Variants in WWOX observed in about 807,000 individuals in gnomAD.
The protein encoded by WWOX is WW domain-containing oxidoreductase.
In WWOX, 69 loss-of-function variants were observed where a neutral mutation model predicts 46.2. The observed-to-expected ratio is 1.49, with a 90% confidence interval of 1.23 to 1.82. The LOEUF is 1.82. WWOX is among the 40% of genes most tolerant of loss of function. WWOX has a pLI of 0.00. For synonymous variants in WWOX, 359 were observed against 202.6 expected, an observed-to-expected ratio of 1.77 and a Z score of -6.56; for missense variants, 919 against 542.6, an observed-to-expected ratio of 1.69 and a Z score of -6.89.
intron 8 of WWOX, among the ~76,000 whole-genome samples, chr16:78,736,499 T>C (rs1270805433): frequency 2.0e-5 from 3 of 152,184 alleles, no homozygotes. Context: ...AAGTCTCACA[T>C]GTGACAACAC....
intron 8 of WWOX, chr16:79,017,451 A>G (rs948048853): frequency 1.3e-5 from 2 of 148,968 alleles, no homozygotes; most frequent in African/African-American, 2.5e-5. Flanking sequence ...AAAAAAAAAA[A>G]AAAAAAAAAA....
chr16:78,306,761 T>C (rs1266799600), intron 5 of WWOX, among the ~76,000 whole-genome samples: 1 of 151,518 alleles, frequency 6.6e-6, no homozygotes, highest in Non-Finnish European at 1.5e-5. Context: ...GTCCCATAAT[T>C]CCCTGTAAAT....
chr16:78,920,249 A>T lies in WWOX; in HGVS notation c.1057-291359A>T, dbSNP rs185510489. 6.0e-4 allele frequency among the ~76,000 whole-genome samples: 92 copies of T among 152,316 alleles called. 1 individual carries two copies. In the East Asian group the frequency reaches 0.012, roughly 20 times the overall value. On this transcript the variant is annotated intron_variant, in intron 8 of 8. Coordinates refer to ENST00000566780, the MANE Select transcript of WWOX (RefSeq NM_016373.4). ...TTCTTAAAGTTTCTTCCAGGACGTG[A>T]CACCTGACATTTCACTGGCCAAACA...
intron 8 of WWOX, among the ~76,000 whole-genome samples, chr16:78,983,499 A>G (rs941801143): frequency 6.6e-6 from 1 of 152,206 alleles, no homozygotes; most frequent in African/African-American, 2.4e-5. Context: ...CTATGAAAAG[A>G]GAGGAAGGGG....
chr16:79,067,709 G>A (rs950372262), intron 8 of WWOX, among the ~76,000 whole-genome samples: 1 of 152,154 alleles, frequency 6.6e-6, no homozygotes, highest in Non-Finnish European at 1.5e-5. Flanking sequence ...CCGCAAGAAG[G>A]TAAACTCATC....
chr16:78,480,891 C>CA, intron 8 of WWOX, among the ~76,000 whole-genome samples: 1 of 152,276 alleles, frequency 6.6e-6, no homozygotes, highest in South Asian at 2.1e-4. Flanking sequence ...ACAGAATGAA[C>CA]AAGAGACTTA....
intron 8 of WWOX, among the ~76,000 whole-genome samples, chr16:78,838,422 A>G (rs952363782): frequency 2.0e-5 from 3 of 152,256 alleles, no homozygotes; most frequent in African/African-American, 2.4e-5. Context: ...ACTTACACGT[A>G]TACACAATAA....
intron 8 of WWOX, among the ~76,000 whole-genome samples, chr16:79,072,614 A>G (rs1281122618): frequency 1.3e-5 from 2 of 152,228 alleles, no homozygotes; most frequent in Non-Finnish European, 2.9e-5. Flanking sequence ...CAGTATCATT[A>G]TCGAAGCTAT....
chr16:78,862,493 C>A (rs1258195498), intron 8 of WWOX, among the ~76,000 whole-genome samples: 1 of 151,806 alleles, frequency 6.6e-6, no homozygotes. Context: ...TACACACACA[C>A]ATTTTTCTGT....
chr16:78,347,202 C>T lies in WWOX; in HGVS notation c.517-39658C>T, dbSNP rs75269589. ...TCTCTTTCTAATTATCTCCTTCCCC[C>T]GCCCCCTCCATTCTCTTTCCATCCT... On this transcript the variant is annotated intron_variant, in intron 5 of 8. Coordinates refer to ENST00000566780, the MANE Select transcript of WWOX (RefSeq NM_016373.4). Among the ~76,000 whole-genome samples the T allele has an allele frequency of 5.9e-3, 697 of 117,198 alleles. 151 individuals carry two copies. Among genetic ancestry groups the T allele is most frequent in the Admixed American group, 0.033 (396 of 11,850 alleles). 76.9% of individuals were successfully genotyped at this position (117,198 alleles called of 152,430 possible).
chr16:78,622,769 A>G (rs1394686982), intron 8 of WWOX, among the ~76,000 whole-genome samples: 1 of 152,200 alleles, frequency 6.6e-6, no homozygotes. Flanking sequence ...TGGCAAAGCA[A>G]AGGGATTTTG....
intron 5 of WWOX, among the ~76,000 whole-genome samples, chr16:78,319,881 G>T (rs182853485): frequency 1.1e-3 from 162 of 152,206 alleles, no homozygotes; most frequent in African/African-American, 3.6e-3. Context: ...TTTTCTGCCT[G>T]GGAGGCACTT....
At chr16:78,379,905 C>A (rs531870087) in intron 5 of WWOX, among the ~76,000 whole-genome samples, 1 of 152,138 alleles carries the variant, frequency 6.6e-6, no homozygotes, top group Non-Finnish European at 1.5e-5. Context: ...AGGCATGAGA[C>A]GTTGCCTTTG....
chr16:78,590,484 C>T (rs748228224), intron 8 of WWOX, among the ~76,000 whole-genome samples: 1 of 152,122 alleles, frequency 6.6e-6, no homozygotes, highest in Non-Finnish European at 1.5e-5. Flanking sequence ...AGGATTTTCC[C>T]AGTTGGGGAA....
chr16:78,140,009 T>G (rs1386308950), intron 4 of WWOX, among the ~76,000 whole-genome samples: 1 of 152,124 alleles, frequency 6.6e-6, no homozygotes, highest in South Asian at 2.1e-4. Context: ...GGTTTGCACA[T>G]GTGCAAGTGC....
At chr16:78,728,879 A>G (rs1370091721) in intron 8 of WWOX, among the ~76,000 whole-genome samples, 2 of 152,198 alleles carry the variant, frequency 1.3e-5, no homozygotes, top group African/African-American at 4.8e-5. Context: ...TGGAGGTCAC[A>G]AGAATAACAA....
chr16:78,564,195 G>T (rs1450368109), intron 8 of WWOX, among the ~76,000 whole-genome samples: 2 of 152,314 alleles, frequency 1.3e-5, no homozygotes, highest in African/African-American at 4.8e-5. Context: ...AGTAGCTGTT[G>T]TTTATAGCCA....
chr16:78,284,867 T>A (rs1383700766), intron 5 of WWOX, among the ~76,000 whole-genome samples: 1 of 152,234 alleles, frequency 6.6e-6, no homozygotes, highest in African/African-American at 2.4e-5. Flanking sequence ...CTTTCAAACT[T>A]ACGTATTTCT....
intron 8 of WWOX, among the ~76,000 whole-genome samples, chr16:78,865,225 GT>G (rs1267211635): frequency 6.6e-6 from 1 of 152,028 alleles, no homozygotes; most frequent in Non-Finnish European, 1.5e-5. Context: ...GATGCGATCA[GT>G]TTTTTTTCCT....
Sources: allele counts gnomAD v4.1 joint callset (sites outside exome capture counted in the v4.1 genomes callset), GRCh38; gene constraint gnomAD v4.1.1; transcripts MANE v1.5; gene names NCBI Gene and HGNC (gene_info 2026-07-23, HGNC 2026-07-21).